CDH12: variants seen among roughly 807,000 people sequenced by gnomAD.
The protein encoded by CDH12 is cadherin 12.
In CDH12, 41 loss-of-function variants were observed where a neutral mutation model predicts 74.1. The observed-to-expected ratio is 0.55, with a 90% CI of 0.43 to 0.72. The LOEUF is 0.72. Ranked by LOEUF, CDH12 falls within the 30% of genes least tolerant of loss-of-function variation. The probability of loss-of-function intolerance (pLI) is 0.00; values close to 1 mark genes in which losing one functional copy is unlikely to be tolerated. For synonymous variants in CDH12, 399 were observed against 355.0 expected (o/e 1.12, Z -1.39); for missense variants, 945 against 977.2 (o/e 0.97, Z 0.44).
chr5:22,779,563 C>G (rs1281989357), intron 1 of CDH12, among the ~76,000 whole-genome samples: 3 of 152,172 alleles, frequency 2.0e-5, no homozygotes, highest in Non-Finnish European at 4.4e-5. Context: ...ATTTAATCCC[C>G]ATAATCCCCA....
intron 4 of CDH12, among the ~76,000 whole-genome samples, chr5:22,097,563 T>C (rs995245651): frequency 6.6e-6 from 1 of 152,034 alleles, no homozygotes; most frequent in Non-Finnish European, 1.5e-5. Flanking sequence ...AAGCGCTCCT[T>C]TTTAGTTATC....
Position 22,078,767 on chromosome 5 carries a change from C to G in CDH12, c.-91G>C. The G allele has an allele frequency of 6.6e-7, 1 of 1,519,322 alleles. No individual in the cohort carries two copies. The highest frequency in any genetic ancestry group is 1.3e-5 in the South Asian group (1 of 77,396). The allele number at this position is 1,519,322 out of a possible 1,614,324, so 94.1% of individuals were successfully genotyped here. On this transcript the variant is annotated 5_prime_UTR_variant, in exon 5 of 15. Transcript: ENST00000382254. ...AGGTTTGAGGTGTCTGTGGCCTCCA[C>G]CACTTAGCTTCTTGTTTTATTGCAG...
chr5:22,414,287 T>C (rs1743291574), intron 2 of CDH12, among the ~76,000 whole-genome samples: 1 of 151,978 alleles, frequency 6.6e-6, no homozygotes, highest in Non-Finnish European at 1.5e-5. Context: ...AGATGCAAAA[T>C]GATATTTAGA....
intron 4 of CDH12, among the ~76,000 whole-genome samples, chr5:22,086,802 A>C (rs945138058): frequency 6.6e-6 from 1 of 152,154 alleles, no homozygotes; most frequent in African/African-American, 2.4e-5. Context: ...ACTTTATGGC[A>C]AGAGACAGAA....
At chr5:22,349,282 C>T (rs1268373219) in intron 3 of CDH12, among the ~76,000 whole-genome samples, 1 of 152,188 alleles carries the variant, frequency 6.6e-6, no homozygotes, top group African/African-American at 2.4e-5. Flanking sequence ...GTCAGTTTCC[C>T]TCCTCTGGAC....
At chr5:22,733,750 G>GT (rs1467842156) in intron 1 of CDH12, among the ~76,000 whole-genome samples, 2 of 151,898 alleles carry the variant, frequency 1.3e-5, no homozygotes, top group East Asian at 3.9e-4. Flanking sequence ...AGTGAGGGGG[G>GT]TTCCTTCCTG....
chr5:22,674,424 A>G (rs571914094), intron 1 of CDH12, among the ~76,000 whole-genome samples: 3 of 152,314 alleles, frequency 2.0e-5, no homozygotes, highest in Middle Eastern at 6.8e-3. Flanking sequence ...GCCATGTGGA[A>G]CGGTAAGTCC....
intron 6 of CDH12, among the ~76,000 whole-genome samples, chr5:21,957,680 T>G (rs928193426): frequency 2.0e-5 from 3 of 151,816 alleles, no homozygotes; most frequent in Non-Finnish European, 4.4e-5. Context: ...ATTGAGTTTG[T>G]TTTTTTTCAC....
At chr5:22,658,431 A>C (rs944804273) in intron 1 of CDH12, among the ~76,000 whole-genome samples, 2 of 152,146 alleles carry the variant, frequency 1.3e-5, no homozygotes, top group African/African-American at 4.8e-5. Flanking sequence ...CTTCTATGCT[A>C]TGTGCATAAA....
intron 4 of CDH12, among the ~76,000 whole-genome samples, chr5:22,140,522 G>T (rs1746729206): frequency 6.6e-6 from 1 of 150,884 alleles, no homozygotes; most frequent in Non-Finnish European, 1.5e-5. Flanking sequence ...CTCTGTGCAT[G>T]TGTGTGTGTG....
At chr5:22,391,158 G>T (rs1742232401) in intron 3 of CDH12, among the ~76,000 whole-genome samples, 1 of 152,148 alleles carries the variant, frequency 6.6e-6, no homozygotes, top group Non-Finnish European at 1.5e-5. Context: ...ATATACTACA[G>T]AGTGTTGCAG....
At chr5:22,301,511 AC>A (rs1265395887) in intron 3 of CDH12, among the ~76,000 whole-genome samples, 1 of 152,236 alleles carries the variant, frequency 6.6e-6, no homozygotes, top group African/African-American at 2.4e-5. Context: ...AGCCAAGTAA[AC>A]TTCAGCCACA....
intron 4 of CDH12, among the ~76,000 whole-genome samples, chr5:22,093,985 C>A (rs1250876664): frequency 6.6e-6 from 1 of 152,112 alleles, no homozygotes; most frequent in Non-Finnish European, 1.5e-5. Context: ...GAGAGTATTT[C>A]CACTGATTTA....
At chr5:22,363,790 A>C (rs1740920675) in intron 3 of CDH12, among the ~76,000 whole-genome samples, 1 of 152,232 alleles carries the variant, frequency 6.6e-6, no homozygotes, top group East Asian at 1.9e-4. Context: ...CATTGAGTAG[A>C]AATGGGAGGC....
Position 22,013,374 on chromosome 5 carries a change from C to G in CDH12, c.232-37989G>C, listed in dbSNP as rs183504083. On this transcript the variant is annotated intron_variant, in intron 5 of 14. Transcript: ENST00000382254. ...TGATTCAATTACCTCCACCAGGTCC[C>G]TCCCTTGCTAGGTGGGGATTACGGA... Among the ~76,000 whole-genome samples, 251 of 152,292 alleles carry G rather than the reference C, an allele frequency of 1.6e-3. 1 individual carries two copies. Among genetic ancestry groups the G allele is most frequent in the African/African-American group, 5.9e-3 (244 of 41,570 alleles).
intron 3 of CDH12, among the ~76,000 whole-genome samples, chr5:22,261,051 A>ATG (rs541034254): frequency 4.4e-3 from 619 of 141,926 alleles, no homozygotes; most frequent in African/African-American, 0.011. Flanking sequence ...CTATATATAT[A>ATG]TGTGTGTGTG....
rs181625511 is a variant in CDH12, at chr5:22,483,508, G to C, written c.-428+21762C>G. Among the ~76,000 whole-genome samples the C allele has an allele frequency of 2.2e-4, 33 of 151,282 alleles. No homozygotes were observed. In the East Asian group the frequency reaches 6.5e-3, roughly 30 times the overall value. On this transcript the variant is annotated intron_variant, in intron 2 of 14. Transcript: ENST00000382254. Reference sequence around the variant, plus strand: ...AGTAAAGCCTTTTAAGTGATAGATAGTTGCTGGGCTTGTTACTCTAAGACC... The same window carrying C: ...AGTAAAGCCTTTTAAGTGATAGATACTTGCTGGGCTTGTTACTCTAAGACC...
intron 4 of CDH12, among the ~76,000 whole-genome samples, chr5:22,117,670 A>G (rs1197816865): frequency 6.7e-6 from 1 of 149,342 alleles, no homozygotes; most frequent in Non-Finnish European, 1.5e-5. Flanking sequence ...TATAAACGAT[A>G]AAGAGTGCTT....
chr5:22,571,693 A>T (rs1739548377), intron 1 of CDH12, among the ~76,000 whole-genome samples: 1 of 152,178 alleles, frequency 6.6e-6, no homozygotes, highest in Non-Finnish European at 1.5e-5. Flanking sequence ...ACACTTAGAG[A>T]TTACTGTAGG....
Sources: allele counts gnomAD v4.1 joint callset (sites outside exome capture counted in the v4.1 genomes callset), GRCh38; gene constraint gnomAD v4.1.1; transcripts MANE v1.5; gene names NCBI Gene and HGNC (gene_info 2026-07-23, HGNC 2026-07-21).